The following LRRTM4 variants were observed in gnomAD, a reference collection of about 807,000 sequenced individuals.
The protein encoded by LRRTM4 is leucine rich repeat transmembrane neuronal 4.
Under a neutral mutation model 47.6 loss-of-function variants are expected in LRRTM4, and 25 were observed. The observed-to-expected ratio is 0.53, with a 90% CI of 0.38 to 0.73. The LOEUF (loss-of-function observed/expected upper bound fraction) is 0.73, where lower values mean the gene tolerates loss of function less well. Among genes scored for constraint, LRRTM4 ranks in the 30% least tolerant of loss-of-function variants. The pLI, the probability that LRRTM4 is intolerant of heterozygous loss-of-function variation, is 0.00. For synonymous variants in LRRTM4, 311 were observed against 269.5 expected (o/e 1.15, Z -1.51); for missense variants, 638 against 713.4 (o/e 0.89, Z 1.20).
intron 3 of LRRTM4, among the ~76,000 whole-genome samples, chr2:77,390,352 A>G (rs1000656319): frequency 4.6e-5 from 7 of 152,184 alleles, no homozygotes; most frequent in Middle Eastern, 3.4e-3. Flanking sequence ...AATAGATTCT[A>G]GCATAACAAA....
Position 77,163,586 on chromosome 2 carries a change from G to T in LRRTM4, c.1551+354732C>A, listed in dbSNP as rs1672793102. Among the ~76,000 whole-genome samples, 2 of 152,158 alleles carry T rather than the reference G, an allele frequency of 1.3e-5. 1 individual carries two copies. The highest frequency in any genetic ancestry group is 4.1e-4 in the South Asian group (2 of 4,826). On this transcript the variant is annotated intron_variant, in intron 3 of 3. Coordinates refer to ENST00000409884, the MANE Select transcript of LRRTM4 (RefSeq NM_001134745.3). ...AAGGGCAGCCAGAGAAAAAGTTTGG[G>T]TTACCCATAAAAGGAAGCCCATCAG...
intron 3 of LRRTM4, among the ~76,000 whole-genome samples, chr2:77,251,107 G>GA (rs199891336): frequency 0.049 from 7,179 of 145,602 alleles, 629 homozygotes; most frequent in African/African-American, 0.17. Flanking sequence ...CTGTCTTCAA[G>GA]AAAAAAAATA....
chr2:77,187,748 C>A (rs1399487914), intron 3 of LRRTM4, among the ~76,000 whole-genome samples: 1 of 151,722 alleles, frequency 6.6e-6, no homozygotes, highest in Non-Finnish European at 1.5e-5. Flanking sequence ...GTGATTTTAG[C>A]CTAATCACTG....
intron 3 of LRRTM4, among the ~76,000 whole-genome samples, chr2:77,506,039 G>T (rs953710264): frequency 1.3e-5 from 2 of 151,548 alleles, no homozygotes; most frequent in Non-Finnish European, 1.5e-5. Context: ...GGAATTTAGT[G>T]GTTGGAGCAA....
chr2:76,866,664 G>A (rs1045699283), intron 3 of LRRTM4, among the ~76,000 whole-genome samples: 1 of 152,114 alleles, frequency 6.6e-6, no homozygotes, highest in Non-Finnish European at 1.5e-5. Context: ...GCAAACAAGT[G>A]AGAATGATAG....
At chr2:77,335,896 C>T (rs962646333) in intron 3 of LRRTM4, among the ~76,000 whole-genome samples, 1 of 152,008 alleles carries the variant, frequency 6.6e-6, no homozygotes, top group African/African-American at 2.4e-5. Context: ...CTTCATGGAC[C>T]ATACAGCCTC....
At chr2:77,036,218 C>T (rs778214768) in intron 3 of LRRTM4, among the ~76,000 whole-genome samples, 49 of 151,556 alleles carry the variant, frequency 3.2e-4, no homozygotes, top group Non-Finnish European at 6.0e-4. Flanking sequence ...GTAATACTGT[C>T]ATTATGGGAG....
intron 3 of LRRTM4, among the ~76,000 whole-genome samples, chr2:77,222,839 C>T (rs1674679598): frequency 6.6e-6 from 1 of 152,148 alleles, no homozygotes; most frequent in Non-Finnish European, 1.5e-5. Flanking sequence ...AAGAGGGAAT[C>T]CTCCCTAACT....
rs113025411 is a variant in LRRTM4, at chr2:77,442,864, G to A, written c.1551+75454C>T. Among the ~76,000 whole-genome samples, 914 of 152,254 alleles carry A rather than the reference G, an allele frequency of 6.0e-3. 11 individuals are homozygous for A. Among genetic ancestry groups the A allele is most frequent in the African/African-American group, 0.02 (836 of 41,554 alleles). ...TGGAAGGAGGTCTGACTGAGTCAAA[G>A]ATTTTAACTCCAATGGAGAGGATAT... On this transcript the variant is annotated intron_variant, in intron 3 of 3. Coordinates refer to ENST00000409884, the MANE Select transcript of LRRTM4 (RefSeq NM_001134745.3).
intron 3 of LRRTM4, among the ~76,000 whole-genome samples, chr2:77,169,480 C>T (rs915664953): frequency 6.6e-6 from 1 of 152,006 alleles, no homozygotes; most frequent in African/African-American, 2.4e-5. Flanking sequence ...ATTTCATTGA[C>T]ATTGTGATGG....
At chr2:77,224,704 A>G (rs1674751338) in intron 3 of LRRTM4, among the ~76,000 whole-genome samples, 1 of 152,160 alleles carries the variant, frequency 6.6e-6, no homozygotes, top group African/African-American at 2.4e-5. Flanking sequence ...TTAAAAAGTC[A>G]GGAAACAACA....
intron 3 of LRRTM4, among the ~76,000 whole-genome samples, chr2:77,172,323 GTGGTGGCTCACGCC>G (rs1185004045): frequency 1.3e-5 from 2 of 152,158 alleles, no homozygotes; most frequent in Non-Finnish European, 2.9e-5. Context: ...CTGGCCAGGC[GTGGTGGCTCACGCC>G]TGTAATCCCA....
intron 3 of LRRTM4, among the ~76,000 whole-genome samples, chr2:77,456,063 T>G (rs566144061): frequency 1.6e-4 from 24 of 152,212 alleles, no homozygotes; most frequent in South Asian, 1.2e-3. Context: ...TCCCCTACCT[T>G]GAGCTCTTTC....
At chr2:76,997,134 CCT>C (rs935569909) in intron 3 of LRRTM4, among the ~76,000 whole-genome samples, 3 of 151,988 alleles carry the variant, frequency 2.0e-5, no homozygotes, top group African/African-American at 7.2e-5. Context: ...CCTAATTTCC[CCT>C]GTTCTGATTT....
At chr2:77,207,898 G>A (rs949032977) in intron 3 of LRRTM4, among the ~76,000 whole-genome samples, 1 of 34,548 alleles carries the variant, frequency 2.9e-5, no homozygotes, top group Non-Finnish European at 6.4e-5. Flanking sequence ...TTTTTTGTGA[G>A]ATGTAGTCTT....
At chr2:77,044,159 A>G (rs1432402815) in intron 3 of LRRTM4, among the ~76,000 whole-genome samples, 1 of 151,842 alleles carries the variant, frequency 6.6e-6, no homozygotes, top group Non-Finnish European at 1.5e-5. Context: ...AATATGTTAC[A>G]TAGTGCACCC....
At chr2:77,439,301 T>TTTCTC in intron 3 of LRRTM4, among the ~76,000 whole-genome samples, 1 of 152,324 alleles carries the variant, frequency 6.6e-6, no homozygotes, top group South Asian at 2.1e-4. Flanking sequence ...TCTTCCTCCC[T>TTTCTC]TTCTCTTCTC....
intron 3 of LRRTM4, among the ~76,000 whole-genome samples, chr2:77,106,953 TA>T (rs201150359): frequency 2.6e-5 from 4 of 151,622 alleles, no homozygotes; most frequent in South Asian, 2.1e-4. Flanking sequence ...ATCTATCTGA[TA>T]AAAAAAAGAA....
At chr2:76,971,272 C>T (rs1676210778) in intron 3 of LRRTM4, among the ~76,000 whole-genome samples, 3 of 148,202 alleles carry the variant, frequency 2.0e-5, no homozygotes, top group Admixed American at 6.7e-5. Context: ...CCCCATCTAC[C>T]TAAATCAGAA....
Sources: allele counts gnomAD v4.1 joint callset (sites outside exome capture counted in the v4.1 genomes callset), GRCh38; gene constraint gnomAD v4.1.1; transcripts MANE v1.5; gene names NCBI Gene and HGNC (gene_info 2026-07-23, HGNC 2026-07-21).